Variants in TNIK observed in about 807,000 individuals in gnomAD.
The protein encoded by TNIK is TRAF2 and NCK-interacting protein kinase.
Under a neutral mutation model 191.3 loss-of-function variants are expected in TNIK, and 49 were observed. The observed-to-expected ratio is 0.26, with a 90% CI of 0.20 to 0.32. The LOEUF is 0.32. Ranked by LOEUF, TNIK falls within the 10% of genes least tolerant of loss-of-function variation. The probability of loss-of-function intolerance (pLI) is 1.00; values close to 1 mark genes in which losing one functional copy is unlikely to be tolerated. For missense variants in TNIK, 1,155 were observed against 1,702.3 expected, an observed-to-expected ratio of 0.68 and a Z score of 5.66; for synonymous variants, 594 against 600.9, an observed-to-expected ratio of 0.99 and a Z score of 0.17.
intron 1 of TNIK, among the ~76,000 whole-genome samples, chr3:171,428,788 T>C (rs1254548696): frequency 6.6e-6 from 1 of 152,198 alleles, no homozygotes; most frequent in Non-Finnish European, 1.5e-5. Context: ...TCTAACATCC[T>C]GATTTACATG....
At chr3:171,440,736 A>G (rs1469108692) in intron 1 of TNIK, among the ~76,000 whole-genome samples, 2 of 152,222 alleles carry the variant, frequency 1.3e-5, no homozygotes, top group East Asian at 1.9e-4. Context: ...GGAGGGAGAC[A>G]ACCAAATAAT....
Position 171,158,875 on chromosome 3 carries a change from C to T in TNIK, c.1017-1211G>A, listed in dbSNP as rs150377899. 3.2e-3 allele frequency among the ~76,000 whole-genome samples: 488 copies of T among 152,206 alleles called. 3 individuals are homozygous for T. Among genetic ancestry groups the T allele is most frequent in the African/African-American group, 0.011 (466 of 41,508 alleles). ...GAAGCAGTTGATGAAGAAGGAAGAA[C>T]GTTCCAGGCAGAGGGAAAAGCAGGT... On this transcript the variant is annotated intron_variant, in intron 11 of 32. Transcript: ENST00000436636.
intron 2 of TNIK, among the ~76,000 whole-genome samples, chr3:171,245,357 T>A (rs2109057227): frequency 6.6e-6 from 1 of 152,304 alleles, no homozygotes; most frequent in Non-Finnish European, 1.5e-5. Context: ...ATTCATAGCT[T>A]CAGGAATGGG....
At chr3:171,375,436 G>C (rs1386527020) in intron 1 of TNIK, among the ~76,000 whole-genome samples, 1 of 152,116 alleles carries the variant, frequency 6.6e-6, no homozygotes, top group Non-Finnish European at 1.5e-5. Flanking sequence ...GGTATTTATG[G>C]ACAAAATGTA....
chr3:171,449,952 C>T (rs1040800272), intron 1 of TNIK, among the ~76,000 whole-genome samples: 9 of 151,192 alleles, frequency 6.0e-5, no homozygotes, highest in Non-Finnish European at 1.3e-4. Context: ...AAGAGAATTG[C>T]TTGAACCCAG....
chr3:171,302,957 C>T (rs556870489), intron 2 of TNIK, among the ~76,000 whole-genome samples: 32 of 152,250 alleles, frequency 2.1e-4, no homozygotes, highest in South Asian at 1.5e-3. Flanking sequence ...GTTGTGTCTA[C>T]GCAATGCAAA....
At chr3:171,109,505 A>G (rs1186021540) in intron 19 of TNIK, among the ~76,000 whole-genome samples, 1 of 152,200 alleles carries the variant, frequency 6.6e-6, no homozygotes, top group East Asian at 1.9e-4. Flanking sequence ...TTTAAAATGG[A>G]AATAGAGTGA....
Position 171,227,893 on chromosome 3 carries a change from T to C in TNIK, c.180+272A>G, listed in dbSNP as rs191009383. ...ACCATTCTGTTTTTCACTTTTGCTATAGTAATCAACAAATTACATGAGATA... is the reference window on the plus strand; with the variant it reads ...ACCATTCTGTTTTTCACTTTTGCTACAGTAATCAACAAATTACATGAGATA... On this transcript the variant is annotated intron_variant, in intron 3 of 32. Transcript: ENST00000436636. Among the ~76,000 whole-genome samples the C allele has an allele frequency of 2.8e-4, 43 of 152,340 alleles. 1 individual carries two copies. Among genetic ancestry groups the C allele is most frequent in the African/African-American group, 9.9e-4 (41 of 41,588 alleles).
chr3:171,397,674 C>A (rs935686071), intron 1 of TNIK, among the ~76,000 whole-genome samples: 1 of 152,126 alleles, frequency 6.6e-6, no homozygotes, highest in Admixed American at 6.5e-5. Flanking sequence ...ATAGAGATAT[C>A]ACTGTAATAT....
At chr3:171,373,075 A>G (rs1358399034) in intron 1 of TNIK, among the ~76,000 whole-genome samples, 3 of 152,280 alleles carry the variant, frequency 2.0e-5, no homozygotes, top group African/African-American at 7.2e-5. Flanking sequence ...TTTCACACAA[A>G]TGCATTTCAT....
At chr3:171,123,778 CA>C in intron 17 of TNIK, 76 bp from the exon 18 acceptor site, 1 of 1,098,544 alleles carries the variant, frequency 9.1e-7, no homozygotes, top group Non-Finnish European at 1.3e-6. Context: ...TCCTCCTTTC[CA>C]ATGATTTGCC....
chr3:171,248,916 T>G (rs2109073611), intron 2 of TNIK, among the ~76,000 whole-genome samples: 1 of 152,370 alleles, frequency 6.6e-6, no homozygotes, highest in African/African-American at 2.4e-5. Context: ...TGGTACCTTT[T>G]TCTTTCAGCC....
At chr3:171,142,042 G>A (rs1263047503) in intron 12 of TNIK, among the ~76,000 whole-genome samples, 1 of 152,190 alleles carries the variant, frequency 6.6e-6, no homozygotes, top group Non-Finnish European at 1.5e-5. Flanking sequence ...CCTTCCCGAT[G>A]GAGCTCCTGC....
intron 2 of TNIK, among the ~76,000 whole-genome samples, chr3:171,307,912 A>G (rs1753623684): frequency 6.6e-6 from 1 of 152,124 alleles, no homozygotes; most frequent in Non-Finnish European, 1.5e-5. Flanking sequence ...TGACGTTATC[A>G]CTCTGCAGCT....
chr3:171,193,591 C>T (rs1428816186), intron 5 of TNIK, among the ~76,000 whole-genome samples: 2 of 152,166 alleles, frequency 1.3e-5, no homozygotes, highest in Non-Finnish European at 2.9e-5. Context: ...ATTTAATGAA[C>T]AGACATCGTC....
chr3:171,327,398 C>T (rs1755889125), intron 2 of TNIK, among the ~76,000 whole-genome samples: 1 of 152,180 alleles, frequency 6.6e-6, no homozygotes, highest in South Asian at 2.1e-4. Flanking sequence ...TTTCCCGGTC[C>T]CCTCATGTCT....
At chr3:171,388,741 C>T (rs1358801493) in intron 1 of TNIK, among the ~76,000 whole-genome samples, 1 of 152,206 alleles carries the variant, frequency 6.6e-6, no homozygotes, top group Non-Finnish European at 1.5e-5. Context: ...AAAGCCCTTC[C>T]TAAATCCCAT....
chr3:171,263,610 T>TCAC, intron 2 of TNIK, among the ~76,000 whole-genome samples: 1 of 152,172 alleles, frequency 6.6e-6, no homozygotes, highest in Non-Finnish European at 1.5e-5. Context: ...AAACATACTT[T>TCAC]TCCTTTAGGA....
Position 171,141,225 on chromosome 3 carries a change from A to G in TNIK, c.1222-716T>C, listed in dbSNP as rs73039342. Reference sequence around the variant, plus strand: ...GTGTGATAAACAGCTTACATGCTTTATTTCATTTCATCTTCACAAAAATAA... The same window carrying G: ...GTGTGATAAACAGCTTACATGCTTTGTTTCATTTCATCTTCACAAAAATAA... On this transcript the variant is annotated intron_variant, in intron 12 of 32. Transcript: ENST00000436636. Among the ~76,000 whole-genome samples, 1,163 of 152,328 alleles carry G rather than the reference A, an allele frequency of 7.6e-3. 25 individuals carry two copies. The highest frequency in any genetic ancestry group is 0.027 in the African/African-American group (1,110 of 41,572).
Sources: allele counts gnomAD v4.1 joint callset (sites outside exome capture counted in the v4.1 genomes callset), GRCh38; gene constraint gnomAD v4.1.1; transcripts MANE v1.5; gene names NCBI Gene and HGNC (gene_info 2026-07-23, HGNC 2026-07-21).